The following NLRP2 variants were observed in gnomAD, a reference collection of about 807,000 sequenced individuals.
NLRP2 encodes the protein NLR family pyrin domain containing 2, also known as NACHT, LRR and PYD domains-containing protein 2.
NLRP2 carries 107 observed loss-of-function variants against 97.2 expected under a neutral mutation model. The ratio of observed to expected loss-of-function variants is 1.10; its 90% CI spans 0.94 to 1.29. The LOEUF (loss-of-function observed/expected upper bound fraction) is 1.29. NLRP2 is among the 50% of genes most tolerant of loss of function. The probability of loss-of-function intolerance (pLI) is 0.00; values close to 1 mark genes in which losing one functional copy is unlikely to be tolerated. For missense variants in NLRP2, 1,495 were observed against 1,330.3 expected (o/e 1.12, Z -1.93); for synonymous variants, 663 against 551.5 (o/e 1.20, Z -2.83).
rs990364904 is a variant in NLRP2 at position 54,977,813 on chromosome 19, A to G, written c.387A>G (p.Thr129=). The G allele has an allele frequency of 6.2e-6, 10 of 1,613,778 alleles. No individual in the cohort carries two copies. Among genetic ancestry groups the G allele is most frequent in the Middle Eastern group, 1.6e-4 (1 of 6,062 alleles). The change falls in exon 4 of 13, where the codon ACA becomes ACG. Residue 129 remains threonine (T), a synonymous_variant. Coordinates refer to ENST00000448584, the MANE Select transcript of NLRP2 (RefSeq NM_017852.5). ...DVDEMLERFK[T]EAQAFTETKG... ...ACGAAATGCTGGAGCGCTTCAAAAC[A>G]GAAGCACAAGGTGGGTGTCAGGACC... is the stretch of plus-strand genomic sequence containing the variant.
At chr19:54,976,746 C>A in intron 3 of NLRP2, 1 of 427,358 alleles carries the variant, frequency 2.3e-6, no homozygotes, top group Non-Finnish European at 4.6e-6. Context: ...GTTCCATGGA[C>A]TCACCTCTTC....
intron 10 of NLRP2, among the ~76,000 whole-genome samples, chr19:54,992,344 T>C (rs1283254079): frequency 2.0e-5 from 3 of 151,912 alleles, no homozygotes; most frequent in Non-Finnish European, 2.9e-5. Flanking sequence ...TAATGACATA[T>C]TCAGTTCATG....
intron 12 of NLRP2, among the ~76,000 whole-genome samples, chr19:54,997,793 A>G (rs1199002715): frequency 6.8e-6 from 1 of 147,022 alleles, no homozygotes; most frequent in Admixed American, 6.8e-5. Context: ...AGAACTCACT[A>G]TGTTCCCCAG....
At position 54,994,402 on chromosome 19, in the gene NLRP2, G is replaced by A. The variant is rs1170651049; in HGVS notation, c.2842G>A (p.Ala948Thr). The A allele has an allele frequency of 1.9e-6, 3 of 1,613,306 alleles. No homozygotes were observed. Among genetic ancestry groups the A allele is most frequent in the Non-Finnish European group, 2.5e-6 (3 of 1,180,034 alleles). ...GVKGMKFLCE[A>T]LRKPLCNLRC... The stretch of plus-strand genomic sequence containing the variant: ...TAAGGGAATGAAGTTCCTGTGTGAG[G>A]CTTTGAGGAAACCACTGTGCAACTT... Residue 948 changes from alanine to threonine, a missense_variant, in exon 11 of 13, where the codon GCT (alanine) becomes ACT (threonine). Transcript: ENST00000448584.
intron 8 of NLRP2, among the ~76,000 whole-genome samples, chr19:54,988,188 C>G (rs983115210): frequency 6.6e-6 from 1 of 152,286 alleles, no homozygotes; most frequent in African/African-American, 2.4e-5. Flanking sequence ...ATAGTGGCTG[C>G]TATCATTACT....
At position 55,001,024 on chromosome 19, in the gene NLRP2, T is replaced by A; in HGVS notation, c.*126T>A. ...AATGAGTTCATTGCTGGGCTAGATG[T>A]TTTAGCCATGATTCTGCCTCTGTTT... On this transcript the variant is annotated 3_prime_UTR_variant, in exon 13 of 13. Transcript: ENST00000448584. 3.6e-6 allele frequency: 3 copies of A among 826,548 alleles called. No homozygotes were observed. Among genetic ancestry groups the A allele is most frequent in the Non-Finnish European group, 6.1e-6 (3 of 494,078 alleles). The allele number at this position is 826,548 out of a possible 1,614,324, so 51.2% of individuals were successfully genotyped here.
At chr19:54,975,119 T>TTTG (rs1568474958) in intron 3 of NLRP2, among the ~76,000 whole-genome samples, 2 of 23,596 alleles carry the variant, frequency 8.5e-5, no homozygotes, top group African/African-American at 4.7e-4. Flanking sequence ...TTTTTTTTTT[T>TTTG]TTTTTTTTTT....
At chr19:54,994,030 C>T (rs1433022682) in intron 10 of NLRP2, 3 of 601,828 alleles carry the variant, frequency 5.0e-6, no homozygotes, top group Non-Finnish European at 8.9e-6. Context: ...AGGATATAAA[C>T]CATCTTAAGA....
intron 1 of NLRP2, among the ~76,000 whole-genome samples, chr19:54,969,701 C>T (rs1348748574): frequency 6.6e-6 from 1 of 151,994 alleles, no homozygotes. Context: ...GCTCTGTTGC[C>T]CAGATGGGAG....
Position 54,970,043 on chromosome 19 carries a change from A to G in NLRP2, c.28A>G (p.Asn10Asp), listed in dbSNP as rs1270095746. ...GGTGTCTTCGGCGCAGATGGGCTTC[A>G]ACCTGCAGGCTCTCCTGGAGCAGCT... is the stretch of plus-strand genomic sequence containing the variant. Reference protein sequence around the residue: MVSSAQMGFNLQALLEQLSQ... With the variant: MVSSAQMGFDLQALLEQLSQ... The change falls in exon 2 of 13, where the codon AAC becomes GAC. Residue 10 changes from asparagine (N) to aspartate (D), a missense_variant. Physicochemically the swap from Asn to Asp is conservative, Grantham distance 23 (BLOSUM62 1). Transcript: ENST00000448584. The G allele has an allele frequency of 1.2e-6, 2 of 1,613,808 alleles. No individual in the cohort carries two copies. The highest frequency in any genetic ancestry group is 2.7e-5 in the African/African-American group (2 of 74,882).
chr19:54,998,277 C>T (rs555284402), intron 12 of NLRP2, among the ~76,000 whole-genome samples: 1 of 152,118 alleles, frequency 6.6e-6, no homozygotes, highest in East Asian at 1.9e-4. Context: ...CTCAGCATCC[C>T]AAAGTGCTGG....
At chr19:54,981,140 G>GT (rs1301340586) in intron 4 of NLRP2, among the ~76,000 whole-genome samples, 1 of 152,022 alleles carries the variant, frequency 6.6e-6, no homozygotes, top group African/African-American at 2.4e-5. Context: ...GTTTCCTCTT[G>GT]TTTGTATGCC....
rs1229558300 is a variant in NLRP2, at chr19:54,982,162, A to G, written c.464A>G (p.Asp155Gly). ...CCTTCCCTCCTCACCAATGATAAAG[A>G]CAAAGACAATAGGTGCAGGTATATA... Reference protein sequence around the residue: ...GKEVFKGKKPDKDNRCRYILK... With the variant: ...GKEVFKGKKPGKDNRCRYILK... Residue 155 changes from aspartate to glycine, a missense_variant and splice_region_variant, in exon 6 of 13, where the codon GAC (aspartate) becomes GGC (glycine). Transcript: ENST00000448584. 2.5e-6 allele frequency: 4 copies of G among 1,613,860 alleles called. No homozygotes were observed. Among genetic ancestry groups the G allele is most frequent in the Non-Finnish European group, 3.4e-6 (4 of 1,179,966 alleles).
chr19:54,977,237 C>G lies in NLRP2; in HGVS notation c.326-515C>G, dbSNP rs369143532. 9.2e-5 allele frequency among the ~76,000 whole-genome samples: 14 copies of G among 152,058 alleles called. No homozygotes were observed. In the East Asian group the frequency reaches 2.5e-3, roughly 27 times the overall value. On this transcript the variant is annotated intron_variant, in intron 3 of 12. Transcript: ENST00000448584. ...GGGAGTTCGAGACCAGCCTGACCAACGTAGAGAAACCCTGTCTGTACTAAA... is the reference window on the plus strand; with the variant it reads ...GGGAGTTCGAGACCAGCCTGACCAAGGTAGAGAAACCCTGTCTGTACTAAA...
At chr19:54,978,001 G>A (rs574320593) in intron 4 of NLRP2, among the ~76,000 whole-genome samples, 178 bp downstream of exon 4, 2 of 152,274 alleles carry the variant, frequency 1.3e-5, no homozygotes, top group East Asian at 3.9e-4. Context: ...AGGGAAGAAC[G>A]AACGTTGCAG....
At chr19:54,980,384 C>T (rs904609322) in intron 4 of NLRP2, among the ~76,000 whole-genome samples, 22 of 151,994 alleles carry the variant, frequency 1.4e-4, no homozygotes, top group African/African-American at 5.3e-4. Context: ...GTAGTAGAGA[C>T]AGGGTTTCAC....
chr19:54,970,857 C>G lies in NLRP2; in HGVS notation c.280+562C>G, dbSNP rs575990995. Among the ~76,000 whole-genome samples, 21 of 139,410 alleles carry G rather than the reference C, an allele frequency of 1.5e-4. No homozygotes were observed. The East Asian group carries it at 4.5e-3, about 30-fold the overall frequency. The allele number at this position is 139,410 out of a possible 152,430, so 91.5% of individuals were successfully genotyped here. A position where few individuals can be genotyped will look rare whatever the true frequency, so the allele number is the denominator to read the frequency against. On this transcript the variant is annotated intron_variant, in intron 2 of 12. Coordinates refer to ENST00000448584, the MANE Select transcript of NLRP2 (RefSeq NM_017852.5). ...TTATTATACTTTAAGTTTTAGGGTA[C>G]ATGTGCACATTGTGCAGGTTAGTTA... is the stretch of plus-strand genomic sequence containing the variant.
At chr19:54,975,007 G>GTGGTCTTGAACT (rs772138646) in intron 3 of NLRP2, among the ~76,000 whole-genome samples, 16 of 150,918 alleles carry the variant, frequency 1.1e-4, no homozygotes, top group Non-Finnish European at 2.1e-4. Flanking sequence ...CACCATGATG[G>GTGGTCTTGAACT]CCAGGCTGGT....
chr19:54,968,701 C>CTTT (rs61212213), intron 1 of NLRP2, among the ~76,000 whole-genome samples: 1 of 114,284 alleles, frequency 8.8e-6, no homozygotes, highest in Non-Finnish European at 1.8e-5. Flanking sequence ...ATCTTTAAGC[C>CTTT]TTTTTTTTTT....
Sources: allele counts gnomAD v4.1 joint callset (sites outside exome capture counted in the v4.1 genomes callset), GRCh38; gene constraint gnomAD v4.1.1; transcripts MANE v1.5; gene names NCBI Gene and HGNC (gene_info 2026-07-23, HGNC 2026-07-21).